ZNF420: variants seen among roughly 807,000 people sequenced by gnomAD.
ZNF420 encodes zinc finger protein 420, also known as ATM and p53-associated KZNF protein.
In ZNF420, 31 loss-of-function variants were observed where a neutral mutation model predicts 44.7. That is an observed-to-expected ratio of 0.69 (90% CI 0.52 to 0.94). The LOEUF (loss-of-function observed/expected upper bound fraction) is 0.94, where lower values mean the gene tolerates loss of function less well. ZNF420 is among the 40% of genes least tolerant of loss of function. ZNF420 has a pLI of 0.00. For missense variants in ZNF420, 681 were observed against 827.9 expected (o/e 0.82, Z 2.18); for synonymous variants, 245 against 267.4 (o/e 0.92, Z 0.82).
intron 4 of ZNF420, among the ~76,000 whole-genome samples, chr19:37,103,846 A>G (rs1466451301): frequency 1.3e-5 from 2 of 152,202 alleles, no homozygotes; most frequent in Non-Finnish European, 2.9e-5. Context: ...TTAAAAGGAA[A>G]AAAAACAAAA....
At chr19:37,032,274 G>A (rs1157771435) in intron 1 of ZNF420, among the ~76,000 whole-genome samples, 1 of 151,780 alleles carries the variant, frequency 6.6e-6, no homozygotes, top group Non-Finnish European at 1.5e-5. Flanking sequence ...AGAGGTTGCA[G>A]TGAGCCGAGA....
chr19:37,008,003 G>A (rs1372945032), exon 1 of ZNF420: 1 of 200,900 alleles, frequency 5.0e-6, no homozygotes, highest in African/African-American at 2.4e-5. Context: ...AGAGGGCAGA[G>A]CAGGATGAAG....
At chr19:37,056,514 C>T (rs1172514281) in intron 1 of ZNF420, among the ~76,000 whole-genome samples, 3 of 152,200 alleles carry the variant, frequency 2.0e-5, no homozygotes, top group Admixed American at 6.5e-5. Context: ...TCCTGGAAAG[C>T]GGTGTCTTCT....
At chr19:37,092,697 G>T (rs1249630676) in intron 4 of ZNF420, 1 of 149,856 alleles carries the variant, frequency 6.7e-6, no homozygotes, top group East Asian at 1.9e-4. Flanking sequence ...CTGGGCGACA[G>T]AGGGAGACTC....
At chr19:37,063,598 CTT>C (rs1375817463) in intron 1 of ZNF420, among the ~76,000 whole-genome samples, 2 of 146,996 alleles carry the variant, frequency 1.4e-5, no homozygotes, top group East Asian at 2.1e-4. Flanking sequence ...TAATTTAACT[CTT>C]TGTTCAGGGC....
upstream of ZNF420, among the ~76,000 whole-genome samples, chr19:37,073,823 A>C (rs1968102914): frequency 6.6e-6 from 1 of 152,070 alleles, no homozygotes; most frequent in Admixed American, 6.6e-5. Flanking sequence ...TCAAAAAGTA[A>C]GGAAGTGCTC....
chr19:37,055,838 C>T (rs77772684), intron 1 of ZNF420, among the ~76,000 whole-genome samples: 1 of 151,942 alleles, frequency 6.6e-6, no homozygotes, highest in African/African-American at 2.4e-5. Context: ...GGAAAAGCAG[C>T]GCGGAATTCC....
intron 1 of ZNF420, among the ~76,000 whole-genome samples, chr19:37,018,614 C>T (rs1414323188): frequency 6.6e-6 from 1 of 152,156 alleles, no homozygotes; most frequent in Non-Finnish European, 1.5e-5. Flanking sequence ...GTCGCCCAGG[C>T]TAGAGTGCAG....
intron 4 of ZNF420, chr19:37,092,208 A>T (rs990813950): frequency 6.6e-6 from 1 of 152,270 alleles, no homozygotes; most frequent in South Asian, 2.1e-4. Flanking sequence ...TGATTAACAC[A>T]TGTCCCTAGA....
intron 1 of ZNF420, among the ~76,000 whole-genome samples, chr19:37,036,818 C>T (rs966881577): frequency 6.6e-5 from 10 of 152,054 alleles, no homozygotes; most frequent in East Asian, 1.9e-4. Flanking sequence ...TGCATTATGT[C>T]GAAATAATTA....
chr19:37,014,995 C>T (rs1201788275), intron 1 of ZNF420, among the ~76,000 whole-genome samples: 2 of 152,208 alleles, frequency 1.3e-5, no homozygotes, highest in Non-Finnish European at 2.9e-5. Flanking sequence ...AAAGTCGTCC[C>T]CCCGGGATTT....
chr19:37,097,614 A>G (rs1322091995), intron 4 of ZNF420, among the ~76,000 whole-genome samples: 3 of 152,172 alleles, frequency 2.0e-5, no homozygotes, highest in Admixed American at 2.0e-4. Context: ...AGTTTTAGAG[A>G]ACTTTTAATA....
chr19:37,055,439 A>G (rs1967724097), intron 1 of ZNF420, among the ~76,000 whole-genome samples: 1 of 152,178 alleles, frequency 6.6e-6, no homozygotes, highest in East Asian at 1.9e-4. Flanking sequence ...CCCTGAGGAC[A>G]GGGGTCCTGG....
intron 1 of ZNF420, among the ~76,000 whole-genome samples, chr19:37,060,642 G>C (rs919571158): frequency 1.3e-5 from 2 of 151,950 alleles, no homozygotes; most frequent in African/African-American, 4.8e-5. Flanking sequence ...TGATCCTGGA[G>C]CTCTTGGCTC....
chr19:37,099,748 A>C (rs1969661197), intron 4 of ZNF420, among the ~76,000 whole-genome samples: 1 of 152,028 alleles, frequency 6.6e-6, no homozygotes, highest in South Asian at 2.1e-4. Context: ...CTCAGCCTCC[A>C]GAGTAGCTGG....
At chr19:37,024,415 C>T (rs966493875) in intron 1 of ZNF420, among the ~76,000 whole-genome samples, 2 of 151,982 alleles carry the variant, frequency 1.3e-5, no homozygotes, top group Non-Finnish European at 2.9e-5. Flanking sequence ...GACTGAGACC[C>T]ATCTCAGACA....
At chr19:37,096,992 C>T (rs2081262567) in intron 4 of ZNF420, among the ~76,000 whole-genome samples, 1 of 151,404 alleles carries the variant, frequency 6.6e-6, no homozygotes, top group African/African-American at 2.4e-5. Context: ...TCCGACTCCC[C>T]AGTTCAAGGG....
intron 1 of ZNF420, among the ~76,000 whole-genome samples, chr19:37,009,024 G>C (rs996008280): frequency 1.3e-5 from 2 of 152,154 alleles, no homozygotes; most frequent in African/African-American, 2.4e-5. Flanking sequence ...TGTTTCACCT[G>C]ATGGCTGCGT....
intron 1 of ZNF420, among the ~76,000 whole-genome samples, chr19:37,057,295 G>A (rs563569530): frequency 2.6e-5 from 4 of 152,312 alleles, no homozygotes; most frequent in African/African-American, 9.6e-5. Flanking sequence ...CAAAACTTGT[G>A]CAGGCCATGA....
Sources: gnomAD v4.1 joint callset for allele counts (sites outside exome capture counted in the v4.1 genomes callset) on GRCh38, gnomAD v4.1.1 for gene constraint, MANE v1.5 for transcripts, NCBI Gene and HGNC (gene_info 2026-07-23, HGNC 2026-07-21) for gene names.